CDH8: variants seen among roughly 807,000 people sequenced by gnomAD.
CDH8 encodes the protein cadherin-8.
In CDH8, 17 loss-of-function variants were observed where a neutral mutation model predicts 68.1. The observed-to-expected ratio is 0.25, with a 90% CI of 0.17 to 0.37. The LOEUF is 0.37. CDH8 is among the 10% of genes least tolerant of loss of function. The pLI is 1.00. For missense variants in CDH8, 763 were observed against 999.3 expected (o/e 0.76, Z 3.19); for synonymous variants, 372 against 365.1 (o/e 1.02, Z -0.21).
At position 61,647,478 on chromosome 16, in the gene CDH8, T is replaced by A. The variant is rs1333763585; in HGVS notation, c.*6130A>T. 3 of 234,874 alleles carry A rather than the reference T, an allele frequency of 1.3e-5. No individual in the cohort carries two copies. The highest frequency in any genetic ancestry group is 5.7e-5 in the Admixed American group (1 of 17,608). The allele number at this position is 234,874 out of a possible 1,614,324, so 14.5% of individuals were successfully genotyped here. Reference sequence around the variant, plus strand: ...AGTAACGTTGGAAAGGTGGGGGGGGTGATCCCAGTGACTCCTAAATTGTCA... The same window carrying A: ...AGTAACGTTGGAAAGGTGGGGGGGGAGATCCCAGTGACTCCTAAATTGTCA... On this transcript the variant is annotated 3_prime_UTR_variant, in exon 12 of 12. Transcript: ENST00000577390.
chr16:61,736,573 A>G (rs1030706773), intron 8 of CDH8, among the ~76,000 whole-genome samples: 1 of 152,172 alleles, frequency 6.6e-6, no homozygotes, highest in African/African-American at 2.4e-5. Flanking sequence ...AAAACAAATA[A>G]AACCTATAGT....
intron 1 of CDH8, among the ~76,000 whole-genome samples, chr16:62,024,539 T>G (rs556820229): frequency 3.9e-5 from 6 of 152,174 alleles, no homozygotes; most frequent in African/African-American, 1.2e-4. Flanking sequence ...TTGGATGGAC[T>G]GCAGCATTGA....
At chr16:61,696,088 C>G (rs16963857) in intron 10 of CDH8, among the ~76,000 whole-genome samples, 8,895 of 152,218 alleles carry the variant, frequency 0.058, 906 homozygotes, top group African/African-American at 0.2. Flanking sequence ...ACATAATAGA[C>G]AACTACAATT....
chr16:61,783,606 A>G (rs369264346), intron 8 of CDH8, among the ~76,000 whole-genome samples: 292 of 149,438 alleles, frequency 2.0e-3, no homozygotes, highest in African/African-American at 7.0e-3. Context: ...GATACTCCTC[A>G]AGAAGAGCAA....
intron 7 of CDH8, among the ~76,000 whole-genome samples, chr16:61,817,152 A>G (rs1451425262): frequency 6.6e-6 from 1 of 152,136 alleles, no homozygotes; most frequent in African/African-American, 2.4e-5. Flanking sequence ...CTAACAAACA[A>G]AAACATAAAA....
chr16:61,776,501 C>T (rs1046490073), intron 8 of CDH8, among the ~76,000 whole-genome samples: 1 of 152,054 alleles, frequency 6.6e-6, no homozygotes, highest in African/African-American at 2.4e-5. Context: ...GGCCGGGATA[C>T]TTGGGACTGA....
intron 2 of CDH8, among the ~76,000 whole-genome samples, chr16:61,953,760 T>C (rs1483493368): frequency 6.6e-6 from 1 of 151,210 alleles, no homozygotes; most frequent in Non-Finnish European, 1.5e-5. Context: ...TTGCAGCTAC[T>C]TGGGGGGCTG....
chr16:61,810,908 C>G (rs11863526), intron 7 of CDH8, among the ~76,000 whole-genome samples: 7,964 of 151,520 alleles, frequency 0.053, 690 homozygotes, highest in African/African-American at 0.18. Context: ...CCTGTGTTCC[C>G]AGCTACTCAG....
At chr16:61,717,714 A>G (rs947485734) in intron 9 of CDH8, among the ~76,000 whole-genome samples, 1 of 151,306 alleles carries the variant, frequency 6.6e-6, no homozygotes, top group African/African-American at 2.4e-5. Context: ...TATCAATATG[A>G]CCTTATGTGT....
chr16:61,880,955 C>T (rs946220201), intron 3 of CDH8, among the ~76,000 whole-genome samples: 3 of 141,270 alleles, frequency 2.1e-5, no homozygotes, highest in East Asian at 2.1e-4. Flanking sequence ...GTGTGTAGAT[C>T]GGCCACTCAA....
Position 61,726,772 on chromosome 16 carries a change from T to C in CDH8, c.1536+322A>G, listed in dbSNP as rs564013908. 11 of 379,762 alleles carry C rather than the reference T, an allele frequency of 2.9e-5. 1 individual carries two copies. Among genetic ancestry groups the C allele is most frequent in the African/African-American group, 2.3e-4 (11 of 48,132 alleles). 23.5% of individuals were successfully genotyped at this position (379,762 alleles called of 1,614,324 possible). A position where few individuals can be genotyped will look rare whatever the true frequency, so the allele number is the denominator to read the frequency against. ...AGGTTTTACCTTGCTTCTTGTCATT[T>C]GAAAGTAAAAATTCAGCCCCCGTCA... On this transcript the variant is annotated intron_variant, in intron 9 of 11. Transcript: ENST00000577390.
rs1462519032 is a variant in CDH8, at chr16:61,650,941, AAG to A, written c.*2665_*2666del. On this transcript the variant is annotated 3_prime_UTR_variant, in exon 12 of 12. Coordinates refer to ENST00000577390, the MANE Select transcript of CDH8 (RefSeq NM_001796.5). ...AGCTTTCATTCTGTGTTCCTAGGCAAAGAGAATACTTAGGCGATATTTGGGCA... is the reference window on the plus strand; with the variant it reads ...AGCTTTCATTCTGTGTTCCTAGGCAAAGAATACTTAGGCGATATTTGGGCA... The A allele has an allele frequency of 1.3e-5, 2 of 152,110 alleles. No homozygotes were observed. The highest frequency in any genetic ancestry group is 2.9e-5 in the Non-Finnish European group (2 of 68,016). The allele number at this position is 152,110 out of a possible 1,614,324, so 9.4% of individuals were successfully genotyped here.
intron 7 of CDH8, among the ~76,000 whole-genome samples, chr16:61,798,306 A>G (rs1255735322): frequency 6.6e-6 from 1 of 152,192 alleles, no homozygotes; most frequent in Non-Finnish European, 1.5e-5. Flanking sequence ...TCATAAAACT[A>G]TCATGCTTGT....
chr16:61,850,282 C>T (rs1363599880), intron 4 of CDH8, among the ~76,000 whole-genome samples: 10 of 151,948 alleles, frequency 6.6e-5, no homozygotes, highest in African/African-American at 2.4e-4. Flanking sequence ...AAACAACCAG[C>T]TCTTGCATGA....
intron 7 of CDH8, among the ~76,000 whole-genome samples, chr16:61,815,501 T>G (rs772965717): frequency 6.6e-5 from 10 of 152,220 alleles, no homozygotes; most frequent in Non-Finnish European, 1.5e-4. Context: ...TGAAAGTTCC[T>G]TAAGCCTCAT....
intron 8 of CDH8, among the ~76,000 whole-genome samples, chr16:61,769,600 T>A (rs912022937): frequency 1.3e-5 from 2 of 151,832 alleles, no homozygotes; most frequent in African/African-American, 4.8e-5. Flanking sequence ...AAGAGAATTA[T>A]GATGTTCAGA....
intron 2 of CDH8, among the ~76,000 whole-genome samples, chr16:61,942,013 T>C (rs1964733270): frequency 6.6e-6 from 1 of 152,184 alleles, no homozygotes; most frequent in African/African-American, 2.4e-5. Context: ...TCACAAACAC[T>C]ACATCTAAAT....
intron 8 of CDH8, among the ~76,000 whole-genome samples, chr16:61,769,165 T>C (rs1960712853): frequency 6.6e-6 from 1 of 151,772 alleles, no homozygotes; most frequent in South Asian, 2.1e-4. Context: ...AACAGTGTTG[T>C]CATATTATTA....
At chr16:61,697,159 G>C (rs1964342103) in intron 10 of CDH8, among the ~76,000 whole-genome samples, 1 of 152,234 alleles carries the variant, frequency 6.6e-6, no homozygotes, top group South Asian at 2.1e-4. Context: ...CATAGGCTTA[G>C]GGGCTTGTCA....
Sources: gnomAD v4.1 joint callset for allele counts (sites outside exome capture counted in the v4.1 genomes callset) on GRCh38, gnomAD v4.1.1 for gene constraint, MANE v1.5 for transcripts, NCBI Gene and HGNC (gene_info 2026-07-23, HGNC 2026-07-21) for gene names.